Variants in AGBL4 observed in about 807,000 individuals in gnomAD.
The protein encoded by AGBL4 is cytosolic carboxypeptidase 6.
A neutral mutation model predicts 66.4 loss-of-function variants in AGBL4; 58 were observed. That is an observed-to-expected ratio of 0.87 (90% CI 0.71 to 1.09). AGBL4 has a LOEUF of 1.09. Ranked by LOEUF, AGBL4 falls within the 50% of genes least tolerant of loss-of-function variation. AGBL4 has a pLI of 0.00. For missense variants in AGBL4, 579 were observed against 631.0 expected, an observed-to-expected ratio of 0.92 and a Z score of 0.88; for synonymous variants, 234 against 222.9, an observed-to-expected ratio of 1.05 and a Z score of -0.44.
intron 6 of AGBL4, among the ~76,000 whole-genome samples, chr1:48,801,577 A>G (rs1437251004): frequency 6.6e-6 from 1 of 152,088 alleles, no homozygotes; most frequent in Non-Finnish European, 1.5e-5. Flanking sequence ...TCAGCTGCCT[A>G]AATCCATTTC....
intron 2 of AGBL4, among the ~76,000 whole-genome samples, chr1:49,779,436 GA>G (rs1644281952): frequency 6.6e-6 from 1 of 152,176 alleles, no homozygotes; most frequent in African/African-American, 2.4e-5. Flanking sequence ...CAGGCAGGGG[GA>G]TGTGTTTCAT....
At chr1:48,875,291 A>C (rs1157259199) in intron 5 of AGBL4, among the ~76,000 whole-genome samples, 2 of 152,118 alleles carry the variant, frequency 1.3e-5, no homozygotes, top group African/African-American at 4.8e-5. Context: ...GCCATACCCG[A>C]TCACCTCTCA....
intron 5 of AGBL4, among the ~76,000 whole-genome samples, chr1:48,940,243 T>A (rs1028509650): frequency 6.6e-6 from 1 of 152,156 alleles, no homozygotes; most frequent in African/African-American, 2.4e-5. Flanking sequence ...TGGGGCGTGG[T>A]GGCACACGCC....
At chr1:49,416,635 G>T (rs1378544736) in intron 3 of AGBL4, among the ~76,000 whole-genome samples, 1 of 152,044 alleles carries the variant, frequency 6.6e-6, no homozygotes, top group African/African-American at 2.4e-5. Flanking sequence ...GATACTTTGG[G>T]CAAGTCATTT....
At chr1:49,064,981 A>C (rs1644466592) in intron 4 of AGBL4, among the ~76,000 whole-genome samples, 1 of 152,222 alleles carries the variant, frequency 6.6e-6, no homozygotes, top group African/African-American at 2.4e-5. Context: ...AGTCATCTTC[A>C]AAACTTAAAT....
chr1:48,715,822 A>T (rs1326214828), intron 6 of AGBL4, among the ~76,000 whole-genome samples: 12 of 152,192 alleles, frequency 7.9e-5, no homozygotes, highest in Admixed American at 7.9e-4. Flanking sequence ...TGCAAAGCAG[A>T]CTTTTCTGGT....
intron 2 of AGBL4, among the ~76,000 whole-genome samples, chr1:49,796,580 C>T (rs1033926697): frequency 3.3e-5 from 5 of 150,680 alleles, no homozygotes; most frequent in Admixed American, 6.6e-5. Flanking sequence ...CTTAAAAATT[C>T]GTTCATGTAT....
chr1:49,697,937 T>C (rs1393280711), intron 2 of AGBL4, among the ~76,000 whole-genome samples: 1 of 152,202 alleles, frequency 6.6e-6, no homozygotes, highest in African/African-American at 2.4e-5. Context: ...TTAAAGAATA[T>C]GTACAGTAAG....
intron 3 of AGBL4, among the ~76,000 whole-genome samples, chr1:49,369,662 A>T (rs1387230794): frequency 6.6e-6 from 1 of 152,162 alleles, no homozygotes; most frequent in Non-Finnish European, 1.5e-5. Flanking sequence ...GTCCTCTCAA[A>T]TCTTCACCTG....
rs561711095 is a variant in AGBL4 at position 49,103,583 on chromosome 1, T to C, written c.378-57783A>G. Among the ~76,000 whole-genome samples the C allele has an allele frequency of 3.3e-5, 5 of 152,306 alleles. No homozygotes were observed. In the East Asian group the frequency reaches 7.7e-4, roughly 24 times the overall value. ...ATTCGCCTTTGAAGAGTCAAGCTTC[T>C]GACTTCTCTATTCCCTGCTCCTAAT... On this transcript the variant is annotated intron_variant, in intron 4 of 13. Coordinates refer to ENST00000371839, the MANE Select transcript of AGBL4 (RefSeq NM_032785.4).
At chr1:49,711,729 A>T (rs543115605) in intron 2 of AGBL4, among the ~76,000 whole-genome samples, 2 of 152,188 alleles carry the variant, frequency 1.3e-5, no homozygotes, top group East Asian at 1.9e-4. Context: ...TCAGTTACAC[A>T]GTACTTTAAT....
chr1:49,758,161 T>C (rs779927027), intron 2 of AGBL4, among the ~76,000 whole-genome samples: 2 of 152,128 alleles, frequency 1.3e-5, no homozygotes, highest in African/African-American at 2.4e-5. Flanking sequence ...AACTTCCACA[T>C]GATGTTAGTC....
At chr1:49,347,290 C>T (rs1645652002) in intron 3 of AGBL4, among the ~76,000 whole-genome samples, 2 of 140,202 alleles carry the variant, frequency 1.4e-5, no homozygotes, top group African/African-American at 5.3e-5. Context: ...CTTGCTCTGT[C>T]ACCCAGGCTG....
chr1:48,678,692 A>G lies in AGBL4; in HGVS notation c.635-15451T>C, dbSNP rs530743463. On this transcript the variant is annotated intron_variant, in intron 6 of 13. Coordinates refer to ENST00000371839, the MANE Select transcript of AGBL4 (RefSeq NM_032785.4). ...TAGCTCTTGCGTTTTAATGGTGCAA[A>G]TGTGGCAATAACAAAGGTGGTAAAT... Among the ~76,000 whole-genome samples the G allele has an allele frequency of 8.5e-5, 13 of 152,336 alleles. No homozygotes were observed. The South Asian group carries it at 2.7e-3, about 32-fold the overall frequency.
intron 6 of AGBL4, among the ~76,000 whole-genome samples, chr1:48,700,092 T>G (rs1234149701): frequency 1.3e-5 from 2 of 152,268 alleles, no homozygotes; most frequent in African/African-American, 4.8e-5. Context: ...AATGACACTA[T>G]TAACTCCTCT....
Position 48,539,706 on chromosome 1 carries a change from A to C in AGBL4, c.1300T>G (p.Phe434Val). Residue 434 changes from phenylalanine (F) to valine (V), a missense_variant, in exon 12 of 14, where the codon TTT becomes GTT. By Grantham distance (50) the Phe-to-Val change is conservative. Coordinates refer to ENST00000371839, the MANE Select transcript of AGBL4 (RefSeq NM_032785.4). ...MKLGRNVART[F>V]LDYYRLNPVV... ...GGGTTCAGCCGATAATAGTCCAAAAAGGTTCTTGCCACATTCCGCCCCAGC... is the reference window on the plus strand; with the variant it reads ...GGGTTCAGCCGATAATAGTCCAAAACGGTTCTTGCCACATTCCGCCCCAGC... The C allele has an allele frequency of 6.5e-7, 1 of 1,544,994 alleles. No individual in the cohort carries two copies. The highest frequency in any genetic ancestry group is 8.8e-7 in the Non-Finnish European group (1 of 1,142,490).
At chr1:49,143,506 C>T (rs187388796) in intron 4 of AGBL4, among the ~76,000 whole-genome samples, 1 of 152,258 alleles carries the variant, frequency 6.6e-6, no homozygotes, top group East Asian at 1.9e-4. Flanking sequence ...AAAAATGTGT[C>T]TTCTGCTTCT....
Position 48,750,241 on chromosome 1 carries a change from G to C in AGBL4, c.635-87000C>G, listed in dbSNP as rs547360611. 7.2e-5 allele frequency among the ~76,000 whole-genome samples: 11 copies of C among 152,314 alleles called. No homozygotes were observed. The East Asian group carries it at 2.1e-3, about 29-fold the overall frequency. ...CACCCCAGCCCACTCCAATGGGGAA[G>C]TGCCCCCATGAACCACCTGTAGGAG... On this transcript the variant is annotated intron_variant, in intron 6 of 13. Coordinates refer to ENST00000371839, the MANE Select transcript of AGBL4 (RefSeq NM_032785.4).
chr1:49,488,673 C>T (rs1254542197), intron 3 of AGBL4, among the ~76,000 whole-genome samples: 2 of 151,802 alleles, frequency 1.3e-5, no homozygotes, highest in Non-Finnish European at 2.9e-5. Context: ...CACACATTAA[C>T]TGTCCCCACA....
Sources: allele counts gnomAD v4.1 joint callset (sites outside exome capture counted in the v4.1 genomes callset), GRCh38; gene constraint gnomAD v4.1.1; transcripts MANE v1.5; gene names NCBI Gene and HGNC (gene_info 2026-07-23, HGNC 2026-07-21).